LIMS2: variants seen among roughly 807,000 people sequenced by gnomAD.
The protein encoded by LIMS2 is LIM and senescent cell antigen-like-containing domain protein 2.
Under a neutral mutation model 45.3 loss-of-function variants are expected in LIMS2, and 30 were observed. The ratio of observed to expected loss-of-function variants is 0.66; its 90% confidence interval spans 0.50 to 0.90. The LOEUF (loss-of-function observed/expected upper bound fraction) is 0.90. LIMS2 is among the 40% of genes least tolerant of loss of function. The pLI, the probability that LIMS2 is intolerant of heterozygous loss-of-function variation, is 0.00. For missense variants in LIMS2, 485 were observed against 468.7 expected (o/e 1.03, Z -0.32); for synonymous variants, 173 against 188.0 (o/e 0.92, Z 0.65).
chr2:127,638,568 TGGCCCCACCCAAG>T lies in LIMS2; in HGVS notation c.*700_*712del, dbSNP rs1682074425. On this transcript the variant is annotated 3_prime_UTR_variant, in exon 10 of 10. Transcript: ENST00000355119. ...CTCCTCTGACGCCATCACCTCCTCCTGGCCCCACCCAAGGGCTCGACACAAGCCCCAAGGTCGG... is the reference window on the plus strand; with the variant it reads ...CTCCTCTGACGCCATCACCTCCTCCTGGCTCGACACAAGCCCCAAGGTCGG... 6.5e-6 allele frequency: 1 copy of T among 152,720 alleles called. No individual in the cohort carries two copies. Among genetic ancestry groups the T allele is most frequent in the African/African-American group, 2.4e-5 (1 of 41,442 alleles). 9.5% of individuals were successfully genotyped at this position (152,720 alleles called of 1,614,324 possible).
In LIMS2 at chr2:127,653,523, G is replaced by T. The variant is rs767517493; in HGVS notation, c.359+901C>A. 6.6e-6 allele frequency among the ~76,000 whole-genome samples: 1 copy of T among 152,182 alleles called. No homozygotes were observed. Among genetic ancestry groups the T allele is most frequent in the Non-Finnish European group, 1.5e-5 (1 of 68,038 alleles). ...GGGCTCTAGGATTCTGTCTGCAAGG[G>T]CAGCCATGAGGGCCGGGCACGGAGC... On this transcript the variant is annotated intron_variant, in intron 4 of 9. Coordinates refer to ENST00000355119, the MANE Select transcript of LIMS2 (RefSeq NM_001161403.3). The surrounding 1 kb of genome is among the most constrained non-coding windows in gnomAD (Gnocchi z 5.3).
intron 2 of LIMS2, 99 bp downstream of exon 2, chr2:127,657,304 C>T (rs995833940): frequency 7.7e-6 from 11 of 1,433,714 alleles, no homozygotes; most frequent in Non-Finnish European, 1.1e-5. Flanking sequence ...CAGACCTGGC[C>T]CTGTCACCAG....
intron 1 of LIMS2, among the ~76,000 whole-genome samples, chr2:127,668,880 C>T (rs1026300614): frequency 4.6e-5 from 7 of 151,476 alleles, no homozygotes; most frequent in Non-Finnish European, 1.0e-4. Context: ...CAGGCAGAGC[C>T]CAGGAATTCA....
chr2:127,654,711 G>A, intron 3 of LIMS2, 119 bp downstream of exon 3: 1 of 1,458,452 alleles, frequency 6.9e-7, no homozygotes, highest in African/African-American at 1.4e-5. Flanking sequence ...GCTCAGAGAG[G>A]CAAGGTGGGG....
chr2:127,645,554 G>A (rs1452094795), intron 4 of LIMS2, among the ~76,000 whole-genome samples: 2 of 152,228 alleles, frequency 1.3e-5, no homozygotes, highest in African/African-American at 2.4e-5. Context: ...CCTCTGAGCT[G>A]AGCCGCATCC....
At chr2:127,639,475 T>TA in intron 9 of LIMS2, 47 bp from the exon 10 acceptor site, 1 of 1,604,548 alleles carries the variant, frequency 6.2e-7, no homozygotes, top group Middle Eastern at 1.7e-4. Context: ...CCCACCCCTT[T>TA]AACCCCAGAC....
intron 1 of LIMS2, chr2:127,674,409 C>CTG (rs1162046046): frequency 6.4e-6 from 1 of 157,248 alleles, no homozygotes; most frequent in African/African-American, 2.4e-5. Context: ...TCTGTGGCCT[C>CTG]TGGTGACCTC....
intron 1 of LIMS2, among the ~76,000 whole-genome samples, chr2:127,658,851 G>A (rs534932337): frequency 6.6e-6 from 1 of 152,182 alleles, no homozygotes; most frequent in Non-Finnish European, 1.5e-5. Flanking sequence ...GGCAGGACTC[G>A]AGTGCAGTGC....
chr2:127,659,235 G>A (rs1684460691), intron 1 of LIMS2, among the ~76,000 whole-genome samples: 1 of 152,202 alleles, frequency 6.6e-6, no homozygotes, highest in African/African-American at 2.4e-5. Context: ...AGGCTTTCTG[G>A]GCATGCTGGG....
rs915832032 is a variant in LIMS2, at chr2:127,664,346, G to A, written c.12-6784C>T. The A allele has an allele frequency of 1.8e-5, 22 of 1,224,240 alleles. No homozygotes were observed. The highest frequency in any genetic ancestry group is 4.0e-5 in the South Asian group (1 of 25,262). 75.8% of individuals were successfully genotyped at this position (1,224,240 alleles called of 1,614,324 possible). A position where few individuals can be genotyped will look rare whatever the true frequency, so the allele number is the denominator to read the frequency against. On this transcript the variant is annotated intron_variant, in intron 1 of 9. Coordinates refer to ENST00000355119, the MANE Select transcript of LIMS2 (RefSeq NM_001161403.3). The surrounding 1 kb of genome is among the most constrained non-coding windows in gnomAD (Gnocchi z 5.5). ...GGGCTCTGCCGGTGCTGGCGCCGCCGGTACAGCCCCGACGCGGCCAGCGCA... is the reference window on the plus strand; with the variant it reads ...GGGCTCTGCCGGTGCTGGCGCCGCCAGTACAGCCCCGACGCGGCCAGCGCA...
At chr2:127,660,545 G>A (rs183922742) in intron 1 of LIMS2, among the ~76,000 whole-genome samples, 27 of 152,232 alleles carry the variant, frequency 1.8e-4, no homozygotes, top group African/African-American at 6.3e-4. Flanking sequence ...ACACTCAGTG[G>A]GAGGGTCTGA....
intron 2 of LIMS2, chr2:127,655,218 G>A: frequency 2.1e-6 from 1 of 468,158 alleles, no homozygotes; most frequent in South Asian, 2.1e-5. Context: ...TTTAAGCCAG[G>A]AGGGATGAGA....
intron 4 of LIMS2, 25 bp from the exon 5 acceptor site, chr2:127,643,097 G>T: frequency 6.5e-7 from 1 of 1,550,014 alleles, no homozygotes; most frequent in Non-Finnish European, 8.7e-7. Context: ...GGCATTAGGG[G>T]CAGAGCCCCC....
intron 2 of LIMS2, among the ~76,000 whole-genome samples, chr2:127,656,302 T>C (rs1684244379): frequency 6.6e-6 from 1 of 152,112 alleles, no homozygotes; most frequent in South Asian, 2.1e-4. Flanking sequence ...ATCTGGGTGA[T>C]TGCACTAATT....
chr2:127,649,638 C>T (rs1400773434), intron 4 of LIMS2, among the ~76,000 whole-genome samples: 2 of 152,242 alleles, frequency 1.3e-5, no homozygotes, highest in African/African-American at 4.8e-5. Context: ...TTGGGACCCT[C>T]ACTCTCCTTC....
At chr2:127,674,461 G>T (rs927648872) in intron 1 of LIMS2, 31 of 223,574 alleles carry the variant, frequency 1.4e-4, no homozygotes, top group African/African-American at 4.7e-5. Context: ...CAGAGGGTGG[G>T]CCAGGCCCAG....
chr2:127,640,835 C>T lies in LIMS2; in HGVS notation c.753+61G>A, dbSNP rs894936761. On this transcript the variant is annotated intron_variant, in intron 7 of 9. Coordinates refer to ENST00000355119, the MANE Select transcript of LIMS2 (RefSeq NM_001161403.3). ...GGGTGCCCACAGCCTCCCTTGCTCA[C>T]GGCAGCTCTCCTGGCCACCCCTCCA... 38 of 1,484,264 alleles carry T rather than the reference C, an allele frequency of 2.6e-5. 1 individual carries two copies. Among genetic ancestry groups the T allele is most frequent in the South Asian group, 5.7e-5 (5 of 88,044 alleles). The allele number at this position is 1,484,264 out of a possible 1,614,324, so 91.9% of individuals were successfully genotyped here.
rs1391764582 is a variant in LIMS2 at position 127,638,598 on chromosome 2, C to T, written c.*683G>A. The T allele has an allele frequency of 6.5e-6, 1 of 152,816 alleles. No homozygotes were observed. Among genetic ancestry groups the T allele is most frequent in the Non-Finnish European group, 1.5e-5 (1 of 68,332 alleles). The allele number at this position is 152,816 out of a possible 1,614,324, so 9.5% of individuals were successfully genotyped here. On this transcript the variant is annotated 3_prime_UTR_variant, in exon 10 of 10. Transcript: ENST00000355119. ...CCACCCAAGGGCTCGACACAAGCCCCAAGGTCGGGGGGAGAGGGGCGGGGC... is the reference window on the plus strand; with the variant it reads ...CCACCCAAGGGCTCGACACAAGCCCTAAGGTCGGGGGGAGAGGGGCGGGGC...
At position 127,654,851 on chromosome 2, in the gene LIMS2, C is replaced by G; in HGVS notation, c.217G>C (p.Ala73Pro). 6.2e-7 allele frequency: 1 copy of G among 1,614,168 alleles called. No individual in the cohort carries two copies. The highest frequency in any genetic ancestry group is 1.3e-5 in the African/African-American group (1 of 75,058). The change falls in exon 3 of 10, where the codon GCT (alanine) becomes CCT (proline). Residue 73 changes from alanine (A) to proline (P), a missense_variant. Transcript: ENST00000355119. ...YCEHDFQMLF[A>P]PCCGSCGEFI... is the part of the protein sequence containing the mutation. ...TTACCGCAGGATCCACAGCACGGAGCAAACAGCATTTGGAAGTCGTGTTCG... is the reference window on the plus strand; with the variant it reads ...TTACCGCAGGATCCACAGCACGGAGGAAACAGCATTTGGAAGTCGTGTTCG...
Sources: gnomAD v4.1 joint callset for allele counts (sites outside exome capture counted in the v4.1 genomes callset) on GRCh38, gnomAD v4.1.1 for gene constraint, Gnocchi (gnomAD v3.1) non-coding constraint, MANE v1.5 for transcripts, NCBI Gene and HGNC (gene_info 2026-07-23, HGNC 2026-07-21) for gene names.